The following DENND2A variants were observed in gnomAD, a reference collection of about 807,000 sequenced individuals.
The protein encoded by DENND2A is DENN domain-containing protein 2A.
Under a neutral mutation model 105.3 loss-of-function variants are expected in DENND2A, and 53 were observed. The ratio of observed to expected loss-of-function variants is 0.50; its 90% confidence interval spans 0.40 to 0.63. The LOEUF (loss-of-function observed/expected upper bound fraction) is 0.63, where lower values mean the gene tolerates loss of function less well. Among genes scored for constraint, DENND2A ranks in the 30% least tolerant of loss-of-function variants. DENND2A has a pLI of 0.00. For synonymous variants in DENND2A, 522 were observed against 508.4 expected (o/e 1.03, Z -0.36); for missense variants, 1,138 against 1,279.6 (o/e 0.89, Z 1.69).
In DENND2A at chr7:140,565,319, T is replaced by C. The variant is rs374437437; in HGVS notation, c.1779+1767A>G. Reference sequence around the variant, plus strand: ...CCATCAGATTCTACCTGGTGAATCTTTGCATGCTTTTCTGGGGGTGGGGGG... The same window carrying C: ...CCATCAGATTCTACCTGGTGAATCTCTGCATGCTTTTCTGGGGGTGGGGGG... On this transcript the variant is annotated intron_variant, in intron 9 of 19. Coordinates refer to ENST00000496613, the MANE Select transcript of DENND2A (RefSeq NM_015689.5). Among the ~76,000 whole-genome samples, 131 of 151,900 alleles carry C rather than the reference T, an allele frequency of 8.6e-4. 4 individuals are homozygous for C. The South Asian group carries it at 0.023, about 27-fold the overall frequency.
rs189542749 is a variant in DENND2A, at chr7:140,568,496, C to T, written c.1591+267G>A. The stretch of plus-strand genomic sequence containing the variant: ...TGTCAAGCCTTGAAGTGTGGAAAAC[C>T]CTCAGGACATAGGGAGAGGCATGGG... On this transcript the variant is annotated intron_variant, in intron 8 of 19. Transcript: ENST00000496613. 6.2e-4 allele frequency among the ~76,000 whole-genome samples: 94 copies of T among 152,276 alleles called. 3 individuals carry two copies. Among genetic ancestry groups the T allele is most frequent in the African/African-American group, 2.1e-3 (88 of 41,562 alleles).
At chr7:140,630,786 G>C (rs1360745854) in intron 1 of DENND2A, among the ~76,000 whole-genome samples, 1 of 152,168 alleles carries the variant, frequency 6.6e-6, no homozygotes, top group East Asian at 1.9e-4. Flanking sequence ...ACTTAAACCT[G>C]GGAGGCGGAG....
Position 140,601,463 on chromosome 7 carries a change from G to C in DENND2A, c.935C>G (p.Pro312Arg), listed in dbSNP as rs759258670. Residue 312 changes from proline (P) to arginine (R), a missense_variant, in exon 3 of 20, where the codon CCA (proline) becomes CGA (arginine). By Grantham distance (103) the Pro-to-Arg change is moderately radical. Around this residue, in one of 2 missense-constraint regions of DENND2A, gnomAD observed 511 missense variants for 499.9 expected, o/e 1.02. Coordinates refer to ENST00000496613, the MANE Select transcript of DENND2A (RefSeq NM_015689.5). ...CAGTCTTCTGTTCACAGAGGAAGGT[G>C]GGGGAGAGGAGGGCAGAGGCGGGGG... ...LPPPPLPSSP[P>R]PSSVNRRLWT... 4.9e-5 allele frequency: 79 copies of C among 1,613,780 alleles called. No homozygotes were observed. The East Asian group carries it at 9.4e-4, about 19-fold the overall frequency.
Position 140,521,959 on chromosome 7 carries a change from G to A in DENND2A, c.2807C>T (p.Ala936Val). 1 of 1,614,164 alleles carries A rather than the reference G, an allele frequency of 6.2e-7. No homozygotes were observed. The highest frequency in any genetic ancestry group is 8.5e-7 in the Non-Finnish European group (1 of 1,180,048). ...RTLQREAFRKAVSSKSLRHFL... is the reference protein window; with the variant it reads ...RTLQREAFRKVVSSKSLRHFL... Reference sequence around the variant, plus strand: ...GTGGCGGAGGCTCTTGGAGGAGACAGCTTTGCGGAAGGCCTCCCGCTGCAG... The same window carrying A: ...GTGGCGGAGGCTCTTGGAGGAGACAACTTTGCGGAAGGCCTCCCGCTGCAG... Residue 936 changes from alanine to valine, a missense_variant, in exon 18 of 20, where the codon GCT becomes GTT. Physicochemically the swap from Ala to Val is moderately conservative, Grantham distance 64. Around this residue, in one of 2 missense-constraint regions of DENND2A, gnomAD observed 627 missense variants for 779.8 expected, o/e 0.80. Coordinates refer to ENST00000496613, the MANE Select transcript of DENND2A (RefSeq NM_015689.5).
chr7:140,595,705 T>C (rs1284418975), intron 3 of DENND2A, among the ~76,000 whole-genome samples: 1 of 151,734 alleles, frequency 6.6e-6, no homozygotes, highest in Non-Finnish European at 1.5e-5. Flanking sequence ...GAGGCGGAGG[T>C]TGCAGTGAGT....
intron 2 of DENND2A, among the ~76,000 whole-genome samples, chr7:140,605,098 G>A (rs1372077892): frequency 6.6e-6 from 1 of 152,148 alleles, no homozygotes. Context: ...CAAAACTCAC[G>A]CAACAGAGGC....
At chr7:140,543,979 C>T in intron 14 of DENND2A, 1 of 159,444 alleles carries the variant, frequency 6.3e-6, no homozygotes, top group Non-Finnish European at 1.4e-5. Context: ...GCAGCCTCTG[C>T]CTCCTGGGTT....
rs1407479494 is a variant in DENND2A at position 140,601,814 on chromosome 7, G to A, written c.584C>T (p.Ala195Val). The change falls in exon 3 of 20, where the codon GCA (alanine) becomes GTA (valine). Residue 195 changes from alanine to valine, a missense_variant. This residue lies in a region of DENND2A where 511 missense variants were observed against 499.9 expected (regional missense o/e 1.02). Transcript: ENST00000496613. ...CTCAGGAAGGGTGGACCCTGCCTCT[G>A]CCTTGTCAGGAGGGCAGTGTGGGGA... The part of the protein sequence containing the change: ...CYSPHCPPDK[A>V]EAGSTLPENL... 5 of 1,614,012 alleles carry A rather than the reference G, an allele frequency of 3.1e-6. No homozygotes were observed. Among genetic ancestry groups the A allele is most frequent in the African/African-American group, 1.3e-5 (1 of 74,906 alleles).
chr7:140,605,033 T>C (rs1585740997), intron 2 of DENND2A, among the ~76,000 whole-genome samples: 1 of 152,310 alleles, frequency 6.6e-6, no homozygotes, highest in East Asian at 1.9e-4. Context: ...GGAAGCTCTG[T>C]CGGAAAACTT....
Position 140,556,599 on chromosome 7 carries a change from CA to C in DENND2A, c.1960-887del, listed in dbSNP as rs1420210044. On this transcript the variant is annotated intron_variant, in intron 11 of 19. Coordinates refer to ENST00000496613, the MANE Select transcript of DENND2A (RefSeq NM_015689.5). ...AGGCAACCTGCCCACCTCAGCCTCC[CA>C]AAGTGCTAGGATTACTGGTGTGAGC... 1.1e-3 allele frequency among the ~76,000 whole-genome samples: 173 copies of C among 152,342 alleles called. 2 individuals carry two copies. Among genetic ancestry groups the C allele is most frequent in the Non-Finnish European group, 1.2e-4 (8 of 68,026 alleles).
intron 9 of DENND2A, among the ~76,000 whole-genome samples, chr7:140,563,311 TATC>T (rs1797704540): frequency 6.6e-6 from 1 of 152,096 alleles, no homozygotes; most frequent in Non-Finnish European, 1.5e-5. Flanking sequence ...ACCTACGAGT[TATC>T]AGCGCATACA....
In DENND2A at chr7:140,601,707, G is replaced by T. The variant is rs1324627064; in HGVS notation, c.691C>A (p.Leu231Ile). The T allele has an allele frequency of 6.2e-7, 1 of 1,613,950 alleles. No individual in the cohort carries two copies. ...DLEGREPTPE[L>I]VEDRKGSCRR... ...CATGAACCTTTCCTGTCCTCCACAA[G>T]CTCAGGGGTGGGCTCCCTGCCTTCC... The change falls in exon 3 of 20, where the codon CTT becomes ATT. Residue 231 changes from leucine to isoleucine, a missense_variant. Around this residue, in one of 2 missense-constraint regions of DENND2A, gnomAD observed 511 missense variants for 499.9 expected, o/e 1.02. Coordinates refer to ENST00000496613, the MANE Select transcript of DENND2A (RefSeq NM_015689.5).
At chr7:140,540,174 T>C (rs781254759) in intron 14 of DENND2A, among the ~76,000 whole-genome samples, 14 of 152,262 alleles carry the variant, frequency 9.2e-5, no homozygotes, top group Non-Finnish European at 2.1e-4. Context: ...TACCATGGCC[T>C]GGCTCTCGCT....
chr7:140,544,210 C>A (rs1340526361), intron 14 of DENND2A: 2 of 281,206 alleles, frequency 7.1e-6, no homozygotes, highest in Non-Finnish European at 7.0e-6. Context: ...TTTGTGGGGG[C>A]AGGAGGGAAG....
rs1585555495 is a variant in DENND2A at position 140,527,927 on chromosome 7, C to G, written c.2328-432G>C. 2.6e-5 allele frequency among the ~76,000 whole-genome samples: 4 copies of G among 151,984 alleles called. No homozygotes were observed. Among genetic ancestry groups the G allele is most frequent in the East Asian group, 3.9e-4 (2 of 5,190 alleles). On this transcript the variant is annotated intron_variant, in intron 14 of 19. Transcript: ENST00000496613. The surrounding 1 kb of genome is among the most constrained non-coding windows in gnomAD (Gnocchi z 4.9). ...TGGGCTTACTGCAACCTCTGCCTCC[C>G]AGGTTCAGGTTCAAGCAATTCTCCC... is the stretch of plus-strand genomic sequence containing the variant.
chr7:140,545,771 C>T (rs894866338), intron 13 of DENND2A, among the ~76,000 whole-genome samples: 1 of 152,186 alleles, frequency 6.6e-6, no homozygotes, highest in Non-Finnish European at 1.5e-5. Context: ...CTGCCTCCCT[C>T]CCGGTGAGCA....
intron 5 of DENND2A, among the ~76,000 whole-genome samples, chr7:140,575,315 C>T (rs1798255839): frequency 6.6e-6 from 1 of 152,086 alleles, no homozygotes; most frequent in Admixed American, 6.5e-5. Context: ...AATTTGATAG[C>T]TCACTCTGTT....
At chr7:140,583,973 G>A (rs1355597040) in intron 5 of DENND2A, among the ~76,000 whole-genome samples, 2 of 143,488 alleles carry the variant, frequency 1.4e-5, no homozygotes, top group Admixed American at 7.0e-5. Flanking sequence ...CAGGTGCGGT[G>A]GCTCACGCCT....
intron 9 of DENND2A, 142 bp downstream of exon 9, chr7:140,566,944 T>G: frequency 1.6e-6 from 1 of 632,124 alleles, no homozygotes; most frequent in East Asian, 3.2e-5. Flanking sequence ...TTTTTTCATC[T>G]GATATACCCT....
Sources: gnomAD v4.1 joint callset for allele counts (sites outside exome capture counted in the v4.1 genomes callset) on GRCh38, gnomAD v4.1.1 for gene constraint, gnomAD v4.1.1 regional missense constraint, Gnocchi (gnomAD v3.1) non-coding constraint, MANE v1.5 for transcripts, NCBI Gene and HGNC (gene_info 2026-07-23, HGNC 2026-07-21) for gene names.